Variants in SIPA1L1 observed in about 807,000 individuals in gnomAD.
SIPA1L1 encodes signal-induced proliferation-associated 1-like protein 1.
SIPA1L1 carries 26 observed loss-of-function variants against 162.7 expected under a neutral mutation model. The observed-to-expected ratio is 0.16, with a 90% CI of 0.12 to 0.22. The LOEUF (loss-of-function observed/expected upper bound fraction) is 0.22. SIPA1L1 is among the 10% of genes least tolerant of loss of function. The pLI is 1.00. For synonymous variants in SIPA1L1, 829 were observed against 837.4 expected, an observed-to-expected ratio of 0.99 and a Z score of 0.17; for missense variants, 1,874 against 2,241.0, an observed-to-expected ratio of 0.84 and a Z score of 3.31.
At chr14:71,421,047 G>T (rs1595374535) in intron 2 of SIPA1L1, among the ~76,000 whole-genome samples, 1 of 152,152 alleles carries the variant, frequency 6.6e-6, no homozygotes, top group East Asian at 1.9e-4. Flanking sequence ...TGTTGTGGAA[G>T]AAATGGGGTC....
Position 71,377,150 on chromosome 14 carries a change from G to C in SIPA1L1, c.-465+55969G>C, listed in dbSNP as rs1294816264. On this transcript the variant is annotated intron_variant, in intron 2 of 23. Coordinates refer to ENST00000381232, the MANE Select transcript of SIPA1L1 (RefSeq NM_001386936.1). This position sits in a 1 kb window ranked among gnomAD's most constrained non-coding sequence, Gnocchi z 4.8. ...CCCCACCCCCCAGATGGGGCGGCCAGGCAGAGGCAGCCCCCACCTCCCAGA... is the reference window on the plus strand; with the variant it reads ...CCCCACCCCCCAGATGGGGCGGCCACGCAGAGGCAGCCCCCACCTCCCAGA... 1.3e-5 allele frequency among the ~76,000 whole-genome samples: 2 copies of C among 148,266 alleles called. No homozygotes were observed. The highest frequency in any genetic ancestry group is 3.0e-5 in the Non-Finnish European group (2 of 66,718).
At chr14:71,704,905 A>G in intron 15 of SIPA1L1, 2 of 708,256 alleles carry the variant, frequency 2.8e-6, no homozygotes, top group Non-Finnish European at 4.8e-6. Context: ...AATTTAATTC[A>G]TATAATCTAA....
chr14:71,462,288 G>A (rs1405994346), intron 2 of SIPA1L1, among the ~76,000 whole-genome samples: 1 of 152,184 alleles, frequency 6.6e-6, no homozygotes, highest in East Asian at 1.9e-4. Flanking sequence ...ACCTATGGGG[G>A]CCTGCTGAGG....
At chr14:71,537,225 A>G (rs1471607928) in intron 4 of SIPA1L1, among the ~76,000 whole-genome samples, 1 of 152,050 alleles carries the variant, frequency 6.6e-6, no homozygotes, top group East Asian at 1.9e-4. Flanking sequence ...TATTTTTTTG[A>G]GACAGAGTCT....
chr14:71,436,389 T>C (rs2044379653), intron 2 of SIPA1L1, among the ~76,000 whole-genome samples: 2 of 152,204 alleles, frequency 1.3e-5, no homozygotes, highest in East Asian at 3.8e-4. Context: ...TTTAATACTT[T>C]GTGGGGTTTT....
At chr14:71,323,032 G>C (rs1299471564) in intron 2 of SIPA1L1, among the ~76,000 whole-genome samples, 1 of 152,312 alleles carries the variant, frequency 6.6e-6, no homozygotes, top group South Asian at 2.1e-4. Context: ...ACTTTGTACT[G>C]AGATTCATTT....
chr14:71,422,178 A>G (rs1399251812), intron 2 of SIPA1L1, among the ~76,000 whole-genome samples: 1 of 152,214 alleles, frequency 6.6e-6, no homozygotes, highest in East Asian at 1.9e-4. Flanking sequence ...CTGAAGCTTC[A>G]TGTGGCCATT....
chr14:71,358,741 A>G (rs967651916), intron 2 of SIPA1L1, among the ~76,000 whole-genome samples: 1 of 152,236 alleles, frequency 6.6e-6, no homozygotes, highest in Non-Finnish European at 1.5e-5. Context: ...TACAGGAAGC[A>G]TGACAGCTTC....
intron 2 of SIPA1L1, among the ~76,000 whole-genome samples, chr14:71,327,990 T>C (rs556683267): frequency 6.6e-5 from 10 of 152,346 alleles, no homozygotes; most frequent in South Asian, 6.2e-4. Context: ...ATATGGTTCC[T>C]AAACTGTGTC....
intron 8 of SIPA1L1, among the ~76,000 whole-genome samples, chr14:71,651,265 G>GATGAATT (rs937752439): frequency 6.6e-6 from 1 of 152,164 alleles, no homozygotes. Context: ...TTCATCCATA[G>GATGAATT]ACACCTGTGA....
At chr14:71,732,287 T>A (rs187239148) in intron 20 of SIPA1L1, among the ~76,000 whole-genome samples, 1 of 152,118 alleles carries the variant, frequency 6.6e-6, no homozygotes, top group East Asian at 1.9e-4. Context: ...CTTTCTGGAG[T>A]CACTTAAATA....
chr14:71,330,386 G>A lies in SIPA1L1; in HGVS notation c.-465+9205G>A, dbSNP rs578226250. On this transcript the variant is annotated intron_variant, in intron 2 of 23. Transcript: ENST00000381232. ...CGATGAAAATTGTAGGGAAAGAAGC[G>A]GACATGCATGCTGATTTCACGAGCT... 2.5e-5 allele frequency: 25 copies of A among 1,019,216 alleles called. No individual in the cohort carries two copies. The Admixed American group carries it at 2.5e-4, about 10-fold the overall frequency. The allele number at this position is 1,019,216 out of a possible 1,614,324, so 63.1% of individuals were successfully genotyped here. A position where few individuals can be genotyped will look rare whatever the true frequency, so the allele number is the denominator to read the frequency against.
intron 4 of SIPA1L1, among the ~76,000 whole-genome samples, chr14:71,549,290 A>G (rs2055562915): frequency 6.6e-6 from 1 of 151,532 alleles, no homozygotes; most frequent in Non-Finnish European, 1.5e-5. Flanking sequence ...CATTCACCTC[A>G]TCATCTAGGG....
intron 3 of SIPA1L1, among the ~76,000 whole-genome samples, chr14:71,516,711 G>A (rs1365610749): frequency 6.6e-6 from 1 of 151,266 alleles, no homozygotes; most frequent in African/African-American, 2.4e-5. Flanking sequence ...GGTGGCTCAC[G>A]CCTGTAATCC....
chr14:71,668,703 A>G (rs536844997), intron 10 of SIPA1L1, among the ~76,000 whole-genome samples: 3 of 152,308 alleles, frequency 2.0e-5, no homozygotes, highest in South Asian at 4.1e-4. Flanking sequence ...TCTGTCTGTC[A>G]TCTAGATAAC....
intron 19 of SIPA1L1, among the ~76,000 whole-genome samples, chr14:71,725,660 T>C (rs1326252488): frequency 1.3e-5 from 2 of 152,032 alleles, no homozygotes; most frequent in African/African-American, 4.8e-5. Context: ...AAGTGTGGAG[T>C]CTCACGCCCC....
chr14:71,384,485 C>G (rs1440681444), intron 2 of SIPA1L1, among the ~76,000 whole-genome samples: 1 of 152,154 alleles, frequency 6.6e-6, no homozygotes, highest in East Asian at 1.9e-4. Context: ...ACACCGCCGC[C>G]TTGAAACTGG....
chr14:71,419,478 C>G (rs1005404799), intron 2 of SIPA1L1, among the ~76,000 whole-genome samples: 1 of 128,210 alleles, frequency 7.8e-6, no homozygotes, highest in Non-Finnish European at 1.6e-5. Flanking sequence ...AGGAGGATCT[C>G]TCTTTTTTTT....
chr14:71,604,609 G>A (rs569729329), intron 5 of SIPA1L1, among the ~76,000 whole-genome samples: 1 of 152,302 alleles, frequency 6.6e-6, no homozygotes, highest in Admixed American at 6.5e-5. Flanking sequence ...GTCTTGGAAA[G>A]ACTCTTTTTC....
Sources: allele counts gnomAD v4.1 joint callset (sites outside exome capture counted in the v4.1 genomes callset), GRCh38; gene constraint gnomAD v4.1.1; non-coding constraint Gnocchi (gnomAD v3.1); transcripts MANE v1.5; gene names NCBI Gene and HGNC (gene_info 2026-07-23, HGNC 2026-07-21).